The following DMD variants were observed in gnomAD, a reference collection of about 807,000 sequenced individuals.
The protein encoded by DMD is dystrophin.
A neutral mutation model predicts 330.1 loss-of-function variants in DMD; 63 were observed. The observed-to-expected ratio is 0.19, with a 90% CI of 0.16 to 0.24. The LOEUF is 0.24. Ranked by LOEUF, DMD falls within the 10% of genes least tolerant of loss-of-function variation. DMD has a pLI of 1.00. For synonymous variants in DMD, 1,223 were observed against 959.8 expected, an observed-to-expected ratio of 1.27 and a Z score of -5.07; for missense variants, 3,344 against 2,684.1, an observed-to-expected ratio of 1.25 and a Z score of -5.43.
intron 59 of DMD, among the ~76,000 whole-genome samples, chrX:31,448,028 A>G (rs921001602): frequency 4.7e-4 from 51 of 109,131 alleles, no homozygotes; most frequent in Middle Eastern, 4.6e-3. Flanking sequence ...AAAAAAAAAA[A>G]AAAAAGAAAA....
At chrX:32,038,649 T>C (rs1348619530) in intron 44 of DMD, among the ~76,000 whole-genome samples, 1 of 109,932 alleles carries the variant, frequency 9.1e-6, no homozygotes, top group Non-Finnish European at 1.9e-5. Context: ...AATTTCAATC[T>C]AGAATCACAC....
upstream of DMD, among the ~76,000 whole-genome samples, chrX:33,215,665 T>C (rs1417814578): frequency 8.9e-6 from 1 of 111,970 alleles, no homozygotes; most frequent in Non-Finnish European, 1.9e-5. Context: ...GGTCTTATAT[T>C]TAAACCTTTA....
intron 63 of DMD, among the ~76,000 whole-genome samples, chrX:31,241,261 C>T (rs1253729233): frequency 9.0e-6 from 1 of 111,491 alleles, no homozygotes; most frequent in Non-Finnish European, 1.9e-5. Flanking sequence ...GGGGCTAAAT[C>T]GCTGGTTTAG....
chrX:31,271,101 G>A (rs1481335349), intron 62 of DMD, among the ~76,000 whole-genome samples: 3 of 111,757 alleles, frequency 2.7e-5, no homozygotes, highest in South Asian at 3.8e-4. Flanking sequence ...ATTCTAATAT[G>A]CAGTGAAGGT....
chrX:31,957,383 G>C (rs954895672), intron 45 of DMD, among the ~76,000 whole-genome samples: 2 of 111,891 alleles, frequency 1.8e-5, no homozygotes, highest in Non-Finnish European at 3.8e-5. Context: ...TTGTAATCTA[G>C]GAGCTAAAAA....
At chrX:32,039,601 A>G (rs1341087057) in intron 44 of DMD, among the ~76,000 whole-genome samples, 5 of 111,933 alleles carry the variant, frequency 4.5e-5, no homozygotes, top group Admixed American at 3.8e-4. Context: ...AGGTAATGCC[A>G]TAAAAATCTA....
chrX:31,680,293 C>T (rs1347357130), intron 52 of DMD, among the ~76,000 whole-genome samples: 2 of 111,654 alleles, frequency 1.8e-5, no homozygotes, highest in African/African-American at 6.5e-5. Context: ...CCAAATAAAT[C>T]ACTTGCTCTT....
intron 47 of DMD, among the ~76,000 whole-genome samples, chrX:31,903,604 C>T (rs1249226113): frequency 1.8e-5 from 2 of 112,137 alleles, no homozygotes; most frequent in Non-Finnish European, 3.8e-5. Flanking sequence ...TTAAGAAATA[C>T]ATATGAAAAT....
intron 13 of DMD, among the ~76,000 whole-genome samples, chrX:32,583,314 G>A (rs968641779): frequency 9.0e-6 from 1 of 111,123 alleles, no homozygotes; most frequent in African/African-American, 3.3e-5. Flanking sequence ...TGACCAACAT[G>A]GTGAAACCCT....
chrX:32,992,927 A>C (rs1487329543), intron 2 of DMD, among the ~76,000 whole-genome samples: 1 of 108,473 alleles, frequency 9.2e-6, no homozygotes, highest in Non-Finnish European at 1.9e-5. Context: ...AAAAAAAAAA[A>C]CTGTCTATTT....
chrX:31,371,274 T>C (rs2059554284), intron 60 of DMD, among the ~76,000 whole-genome samples: 1 of 111,186 alleles, frequency 9.0e-6, no homozygotes, highest in Admixed American at 9.6e-5. Context: ...AATGTATCAA[T>C]GACTGAATTT....
intron 44 of DMD, among the ~76,000 whole-genome samples, chrX:32,142,202 C>T (rs1436014143): frequency 1.8e-5 from 2 of 111,295 alleles, no homozygotes; most frequent in East Asian, 5.7e-4. Flanking sequence ...GACACGATTG[C>T]AGAGGAGGAT....
rs530483080 is a variant in DMD at position 32,341,459 on chromosome X, A to C, written c.5922+641T>G. Reference sequence around the variant, plus strand: ...CATACACTTTCCATTCAGTTGTTTGAAAGAAGAGCAGTCACTCCTTTTTGT... The same window carrying C: ...CATACACTTTCCATTCAGTTGTTTGCAAGAAGAGCAGTCACTCCTTTTTGT... On this transcript the variant is annotated intron_variant, in intron 41 of 78. Transcript: ENST00000357033. Among the ~76,000 whole-genome samples the C allele has an allele frequency of 1.2e-4, 13 of 112,071 alleles. No homozygotes were observed. In the South Asian group the frequency reaches 4.8e-3, roughly 41 times the overall value.
rs202210198 is a variant in DMD at position 31,365,427 on chromosome X, A to C, written c.9085-16793T>G. Among the ~76,000 whole-genome samples, 17 of 112,163 alleles carry C rather than the reference A, an allele frequency of 1.5e-4. No homozygotes were observed. In the East Asian group the frequency reaches 4.2e-3, roughly 28 times the overall value. On this transcript the variant is annotated intron_variant, in intron 60 of 78. Transcript: ENST00000357033. ...ATTTGTCCACTGAAAGCTTTTAAAAAGCTTCATTTGTGAAAAGACACATTG... is the reference window on the plus strand; with the variant it reads ...ATTTGTCCACTGAAAGCTTTTAAAACGCTTCATTTGTGAAAAGACACATTG...
At chrX:32,950,595 G>C (rs1259639328) in intron 2 of DMD, among the ~76,000 whole-genome samples, 1 of 111,414 alleles carries the variant, frequency 9.0e-6, no homozygotes, top group Non-Finnish European at 1.9e-5. Flanking sequence ...TTACAGGTTA[G>C]AACATAGACT....
intron 2 of DMD, among the ~76,000 whole-genome samples, chrX:32,957,197 G>A (rs1216154824): frequency 9.0e-6 from 1 of 111,004 alleles, no homozygotes; most frequent in Admixed American, 9.6e-5. Flanking sequence ...TGTTTTTCTT[G>A]TATCTCTATC....
chrX:32,165,037 C>A (rs1416603541), intron 44 of DMD, among the ~76,000 whole-genome samples: 2 of 112,407 alleles, frequency 1.8e-5, no homozygotes. Flanking sequence ...GATGTCCAGG[C>A]AGAAGTCTGC....
chrX:32,594,574 G>A (rs1385910003), intron 13 of DMD, among the ~76,000 whole-genome samples: 2 of 111,130 alleles, frequency 1.8e-5, no homozygotes, highest in African/African-American at 6.6e-5. Flanking sequence ...ATCCCTCTCA[G>A]TCCAGTATTA....
At chrX:32,506,462 ATC>A (rs1395468398) in intron 18 of DMD, among the ~76,000 whole-genome samples, 5 of 109,257 alleles carry the variant, frequency 4.6e-5, no homozygotes, top group Non-Finnish European at 9.5e-5. Flanking sequence ...AATAAACTCC[ATC>A]AGGAATAGCT....
Sources: gnomAD v4.1 joint callset for allele counts (sites outside exome capture counted in the v4.1 genomes callset) on GRCh38, gnomAD v4.1.1 for gene constraint, MANE v1.5 for transcripts, NCBI Gene and HGNC (gene_info 2026-07-23, HGNC 2026-07-21) for gene names.